The following EPB41 variants were observed in gnomAD, a reference collection of about 807,000 sequenced individuals.
The protein encoded by EPB41 is protein 4.1.
In EPB41, 65 loss-of-function variants were observed where a neutral mutation model predicts 108.0. The observed-to-expected ratio is 0.60, with a 90% CI of 0.49 to 0.74. The LOEUF (loss-of-function observed/expected upper bound fraction) is 0.74, where lower values mean the gene tolerates loss of function less well. Ranked by LOEUF, EPB41 falls within the 30% of genes least tolerant of loss-of-function variation. EPB41 has a pLI of 0.00. For missense variants in EPB41, 875 were observed against 1,037.0 expected, an observed-to-expected ratio of 0.84 and a Z score of 2.15; for synonymous variants, 336 against 358.9, an observed-to-expected ratio of 0.94 and a Z score of 0.72.
At chr1:28,961,732 A>G (rs1024574087) in intron 1 of EPB41, among the ~76,000 whole-genome samples, 4 of 152,210 alleles carry the variant, frequency 2.6e-5, no homozygotes, top group Non-Finnish European at 5.9e-5. Context: ...AAAATGAAAA[A>G]TTCAACTTTA....
At chr1:28,994,950 G>GCCCGGC (rs375024441) in intron 3 of EPB41, among the ~76,000 whole-genome samples, 3 of 131,970 alleles carry the variant, frequency 2.3e-5, no homozygotes, top group South Asian at 2.8e-4. Flanking sequence ...ATGAGTCACC[G>GCCCGGC]CACCCAGCCT....
chr1:28,953,739 A>C (rs1057324130), intron 1 of EPB41, among the ~76,000 whole-genome samples: 2 of 152,250 alleles, frequency 1.3e-5, no homozygotes. Context: ...TATTTGTATT[A>C]GTTAGATCTC....
intron 9 of EPB41, 128 bp downstream of exon 9, chr1:29,033,373 T>TAC: frequency 9.0e-7 from 1 of 1,106,312 alleles, no homozygotes; most frequent in South Asian, 1.3e-5. Context: ...GGCTGATAAT[T>TAC]CCGTTTTCTA....
At chr1:29,003,925 G>A (rs1479573632) in intron 4 of EPB41, among the ~76,000 whole-genome samples, 1 of 152,172 alleles carries the variant, frequency 6.6e-6, no homozygotes, top group African/African-American at 2.4e-5. Flanking sequence ...ACCACAGCCA[G>A]CTAATTTTTG....
At chr1:29,058,476 C>T (rs1258991074) in intron 12 of EPB41, 113 bp from the exon 13 acceptor site, 4 of 899,378 alleles carry the variant, frequency 4.4e-6, no homozygotes, top group African/African-American at 1.7e-5. Context: ...ATGATGATTA[C>T]GTATCAGCGT....
intron 1 of EPB41, among the ~76,000 whole-genome samples, chr1:28,929,722 G>A (rs746087788): frequency 6.6e-5 from 10 of 150,870 alleles, no homozygotes; most frequent in Middle Eastern, 3.5e-3. Context: ...GTAGAGACGG[G>A]GTTTATCCAT....
chr1:28,965,129 ATTAT>A (rs1157108692), intron 1 of EPB41, among the ~76,000 whole-genome samples: 2 of 152,260 alleles, frequency 1.3e-5, no homozygotes, highest in South Asian at 4.1e-4. Flanking sequence ...GAATTCAGTA[ATTAT>A]TTAATTATTG....
intron 1 of EPB41, among the ~76,000 whole-genome samples, chr1:28,894,258 G>A (rs934326841): frequency 2.0e-5 from 3 of 152,238 alleles, no homozygotes; most frequent in Non-Finnish European, 4.4e-5. Context: ...TCAGCGCCTA[G>A]GGTATAGTAG....
intron 19 of EPB41, among the ~76,000 whole-genome samples, chr1:29,114,092 C>T (rs1367141894): frequency 6.6e-6 from 1 of 152,052 alleles, no homozygotes; most frequent in Non-Finnish European, 1.5e-5. Context: ...CTTCCCTTGC[C>T]CCTTCTAGAG....
chr1:28,924,403 C>T (rs2093325128), intron 1 of EPB41, among the ~76,000 whole-genome samples: 1 of 152,188 alleles, frequency 6.6e-6, no homozygotes, highest in Admixed American at 6.5e-5. Flanking sequence ...GTGGTGTGCA[C>T]CTGTAGTCCC....
At chr1:28,954,947 C>T (rs952037084) in intron 1 of EPB41, among the ~76,000 whole-genome samples, 14 of 152,300 alleles carry the variant, frequency 9.2e-5, no homozygotes, top group African/African-American at 3.4e-4. Context: ...ATCAGTACAT[C>T]TTTTATTAAT....
At chr1:28,945,834 G>A (rs2094470215) in intron 1 of EPB41, among the ~76,000 whole-genome samples, 1 of 152,192 alleles carries the variant, frequency 6.6e-6, no homozygotes, top group African/African-American at 2.4e-5. Flanking sequence ...TGTTGGGCTA[G>A]CTGAATTAGA....
chr1:28,996,861 G>A (rs1423054591), intron 3 of EPB41, among the ~76,000 whole-genome samples: 1 of 152,146 alleles, frequency 6.6e-6, no homozygotes, highest in Non-Finnish European at 1.5e-5. Context: ...CAGGCCAGGT[G>A]CAGTGGCTCA....
intron 7 of EPB41, among the ~76,000 whole-genome samples, chr1:29,022,132 T>C (rs1054394656): frequency 1.3e-5 from 2 of 152,178 alleles, no homozygotes; most frequent in South Asian, 4.1e-4. Flanking sequence ...AGTGGTTATT[T>C]TAATGAATGT....
intron 4 of EPB41, 142 bp from the exon 5 acceptor site, chr1:29,011,723 G>C (rs2096504976): frequency 4.4e-6 from 4 of 912,458 alleles, no homozygotes; most frequent in Non-Finnish European, 6.7e-6. Flanking sequence ...ACTATGCTTT[G>C]TGAAATTAAT....
intron 12 of EPB41, among the ~76,000 whole-genome samples, chr1:29,054,772 C>A (rs1441753208): frequency 6.6e-6 from 1 of 152,122 alleles, no homozygotes; most frequent in Non-Finnish European, 1.5e-5. Flanking sequence ...ATAGCTTGAA[C>A]CTGAGAGGTT....
chr1:29,056,257 A>G (rs1191833630), intron 12 of EPB41, among the ~76,000 whole-genome samples: 1 of 149,658 alleles, frequency 6.7e-6, no homozygotes, highest in African/African-American at 2.5e-5. Flanking sequence ...ACAAAAAACA[A>G]CAAAACAAAA....
chr1:28,902,464 A>T, intron 1 of EPB41: 1 of 852,722 alleles, frequency 1.2e-6, no homozygotes, highest in Non-Finnish European at 1.4e-6. Flanking sequence ...TGTGCTAGAC[A>T]CTGGGAGCCA....
intron 1 of EPB41, among the ~76,000 whole-genome samples, chr1:28,928,736 G>T (rs1196625033): frequency 6.6e-6 from 1 of 152,200 alleles, no homozygotes; most frequent in Non-Finnish European, 1.5e-5. Flanking sequence ...GGTGATAAGG[G>T]TAGGTTGGTG....
Sources: allele counts gnomAD v4.1 joint callset (sites outside exome capture counted in the v4.1 genomes callset), GRCh38; gene constraint gnomAD v4.1.1; transcripts MANE v1.5; gene names NCBI Gene and HGNC (gene_info 2026-07-23, HGNC 2026-07-21).